The following SLC35B3 variants were observed in gnomAD, a reference collection of about 807,000 sequenced individuals.
The protein encoded by SLC35B3 is adenosine 3'-phospho 5'-phosphosulfate transporter 2.
Under a neutral mutation model 44.1 loss-of-function variants are expected in SLC35B3, and 35 were observed. The observed-to-expected ratio is 0.79, with a 90% CI of 0.61 to 1.05. The LOEUF is 1.05. Ranked by LOEUF, SLC35B3 falls within the 50% of genes least tolerant of loss-of-function variation. SLC35B3 has a pLI of 0.00. For synonymous variants in SLC35B3, 146 were observed against 167.3 expected (o/e 0.87, Z 0.98); for missense variants, 414 against 476.4 (o/e 0.87, Z 1.22).
At chr6:8,415,173 T>C (rs1581226607) in intron 9 of SLC35B3, among the ~76,000 whole-genome samples, 196 bp from the exon 9 acceptor site, 2 of 152,272 alleles carry the variant, frequency 1.3e-5, no homozygotes, top group Admixed American at 1.3e-4. Context: ...GAGTTTAGTC[T>C]TGTAGGGAAA....
intron 7 of SLC35B3, 54 bp from the exon 7 acceptor site, chr6:8,417,548 G>C: frequency 3.1e-5 from 32 of 1,036,110 alleles, no homozygotes; most frequent in South Asian, 6.1e-5. Context: ...GAAAATGGAA[G>C]ATTAAGGGTT....
intron 4 of SLC35B3, among the ~76,000 whole-genome samples, chr6:8,424,584 A>G (rs1379391196): frequency 6.6e-6 from 1 of 152,078 alleles, no homozygotes; most frequent in Non-Finnish European, 1.5e-5. Context: ...AACTTTAAAA[A>G]CCTCTTCAAG....
chr6:8,427,839 A>C (rs201112249), intron 4 of SLC35B3, 98 bp downstream of exon 3: 9 of 685,522 alleles, frequency 1.3e-5, no homozygotes, highest in Non-Finnish European at 1.6e-5. Context: ...TGCCTATCAC[A>C]TGTTTTGTTA....
rs144288245 is a variant in SLC35B3 at position 8,423,080 on chromosome 6, C to T, written c.420-456G>A. ...TCAGCTAAGTGCAACCTCTGCCTCA[C>T]GGGTTCAAGAAATTCTTTTGCCTCA... is the stretch of plus-strand genomic sequence containing the variant. On this transcript the variant is annotated intron_variant, in intron 4 of 10. Coordinates refer to ENST00000644923, the MANE Select transcript of SLC35B3 (RefSeq NM_001370476.2). Among the ~76,000 whole-genome samples, 1,432 of 152,202 alleles carry T rather than the reference C, an allele frequency of 9.4e-3. 24 individuals carry two copies. The highest frequency in any genetic ancestry group is 0.032 in the African/African-American group (1,329 of 41,546).
chr6:8,414,800 A>G (rs113121615), intron 10 of SLC35B3, 108 bp downstream of exon 9: 5,529 of 532,620 alleles, frequency 0.01, 111 homozygotes, highest in African/African-American at 0.044. Context: ...AAATAAATAC[A>G]CTTACTACAA....
rs150037099 is a variant in SLC35B3, at chr6:8,414,948, C to T, written c.1015G>A (p.Val339Ile). Residue 339 changes from valine to isoleucine, a missense_variant, in exon 10 of 11, where the codon GTA (valine) becomes ATA (isoleucine). By Grantham distance (29) the Val-to-Ile change is conservative. Coordinates refer to ENST00000644923, the MANE Select transcript of SLC35B3 (RefSeq NM_001370476.2). ...TTAGCAAAGAATATAAACGAAAGTA[C>T]AATGGTCATTGCTTTTCTTCCTGTT... 4.5e-5 allele frequency: 73 copies of T among 1,605,854 alleles called. No individual in the cohort carries two copies. The highest frequency in any genetic ancestry group is 6.0e-5 in the Non-Finnish European group (71 of 1,174,780).
intron 7 of SLC35B3, chr6:8,418,778 C>A: frequency 5.8e-6 from 1 of 171,258 alleles, no homozygotes; most frequent in Non-Finnish European, 1.3e-5. Flanking sequence ...AGATGCCATT[C>A]TCCCTAAATT....
In SLC35B3 at chr6:8,430,022, T is replaced by A. The variant is rs1191834197; in HGVS notation, c.139A>T (p.Thr47Ser). Residue 47 changes from threonine to serine, a missense_variant, in exon 3 of 11, where the codon ACT (threonine) becomes TCT (serine). By Grantham distance (58) the Thr-to-Ser change is moderately conservative. Coordinates refer to ENST00000644923, the MANE Select transcript of SLC35B3 (RefSeq NM_001370476.2). Reference sequence around the variant, plus strand: ...ATTGTTTGGGTTTTGGATGGCACAGTGATAGAAATATATTTCCTGGAATTG... The same window carrying A: ...ATTGTTTGGGTTTTGGATGGCACAGAGATAGAAATATATTTCCTGGAATTG... 4 of 1,614,030 alleles carry A rather than the reference T, an allele frequency of 2.5e-6. No individual in the cohort carries two copies.
At position 8,414,873 on chromosome 6, in the gene SLC35B3, A is replaced by G. The variant is rs1381556330; in HGVS notation, c.1055+35T>C. 6 of 1,315,280 alleles carry G rather than the reference A, an allele frequency of 4.6e-6. No individual in the cohort carries two copies. The African/African-American group carries it at 7.2e-5, about 16-fold the overall frequency. 81.5% of individuals were successfully genotyped at this position (1,315,280 alleles called of 1,614,324 possible). On this transcript the variant is annotated intron_variant, in intron 10 of 10. Coordinates refer to ENST00000644923, the MANE Select transcript of SLC35B3 (RefSeq NM_001370476.2). ...GGAAATGTGAAACACAGTATCTAAA[A>G]ACTGAGAAAAATTGTTTAATTAAGA...
At chr6:8,418,454 T>C (rs534921527) in intron 7 of SLC35B3, among the ~76,000 whole-genome samples, 44 of 144,950 alleles carry the variant, frequency 3.0e-4, no homozygotes, top group Admixed American at 8.3e-4. Context: ...AGGTGGTTGG[T>C]TATAAAATTA....
chr6:8,427,437 A>G (rs1045729930), intron 4 of SLC35B3, among the ~76,000 whole-genome samples: 2 of 152,202 alleles, frequency 1.3e-5, no homozygotes, highest in Non-Finnish European at 2.9e-5. Context: ...TGCACATTTT[A>G]TATCATTTTG....
At position 8,427,925 on chromosome 6, in the gene SLC35B3, C is replaced by T; in HGVS notation, c.419+12G>A. 1 of 1,592,846 alleles carries T rather than the reference C, an allele frequency of 6.3e-7. No individual in the cohort carries two copies. Among genetic ancestry groups the T allele is most frequent in the South Asian group, 1.1e-5 (1 of 87,078 alleles). ...ATATAGAAATATCAAAAAATAAAAA[C>T]AAACCACATACCTCCTCCTTTTGTC... On this transcript the variant is annotated intron_variant, in intron 4 of 10. Coordinates refer to ENST00000644923, the MANE Select transcript of SLC35B3 (RefSeq NM_001370476.2).
rs1391656611 is a variant in SLC35B3, at chr6:8,432,901, T to G, written c.3+1484A>C. ...AGAGCTCTACGTCTAAATGCTTCTTTGATACCTCTACTCATAAGCTCTGCT... is the reference window on the plus strand; with the variant it reads ...AGAGCTCTACGTCTAAATGCTTCTTGGATACCTCTACTCATAAGCTCTGCT... On this transcript the variant is annotated intron_variant, in intron 2 of 10. Coordinates refer to ENST00000644923, the MANE Select transcript of SLC35B3 (RefSeq NM_001370476.2). The surrounding 1 kb of genome is among the most constrained non-coding windows in gnomAD (Gnocchi z 4.8). 6.6e-6 allele frequency among the ~76,000 whole-genome samples: 1 copy of G among 152,196 alleles called. No homozygotes were observed. The highest frequency in any genetic ancestry group is 1.5e-5 in the Non-Finnish European group (1 of 68,028).
chr6:8,435,306 G>A lies in SLC35B3; in HGVS notation c.-44+37C>T. The A allele has an allele frequency of 5.4e-6, 7 of 1,289,342 alleles. No homozygotes were observed. Among genetic ancestry groups the A allele is most frequent in the East Asian group, 5.6e-5 (1 of 18,004 alleles). The allele number at this position is 1,289,342 out of a possible 1,614,324, so 79.9% of individuals were successfully genotyped here. ...GTTTTCTGGAGGAGAGGAGATCTGG[G>A]TCCCAAACACAGGAAAGGCCCCGAA... is the stretch of plus-strand genomic sequence containing the variant. On this transcript the variant is annotated intron_variant, in intron 1 of 10. Transcript: ENST00000644923. The surrounding 1 kb of genome is among the most constrained non-coding windows in gnomAD (Gnocchi z 5.5).
At chr6:8,427,730 A>AT (rs1186572543) in intron 4 of SLC35B3, among the ~76,000 whole-genome samples, 1 of 152,126 alleles carries the variant, frequency 6.6e-6, no homozygotes, top group African/African-American at 2.4e-5. Flanking sequence ...TAAAGCTAAT[A>AT]TTTTTTTATT....
Position 8,419,183 on chromosome 6 carries a change from G to A in SLC35B3, c.780+397C>T, listed in dbSNP as rs770470471. Among the ~76,000 whole-genome samples, 3 of 152,032 alleles carry A rather than the reference G, an allele frequency of 2.0e-5. No homozygotes were observed. The highest frequency in any genetic ancestry group is 4.4e-5 in the Non-Finnish European group (3 of 67,930). On this transcript the variant is annotated intron_variant, in intron 7 of 10. Coordinates refer to ENST00000644923, the MANE Select transcript of SLC35B3 (RefSeq NM_001370476.2). The surrounding 1 kb of genome is among the most constrained non-coding windows in gnomAD (Gnocchi z 4.3). ...AACTAGTAGGCAACAGGGATGAAATGTTCTAAATCTCAGGGTTAGGAAAGC... is the reference window on the plus strand; with the variant it reads ...AACTAGTAGGCAACAGGGATGAAATATTCTAAATCTCAGGGTTAGGAAAGC...
chr6:8,417,800 A>ACT (rs1554117524), intron 7 of SLC35B3, among the ~76,000 whole-genome samples: 1 of 151,562 alleles, frequency 6.6e-6, no homozygotes, highest in Non-Finnish European at 1.5e-5. Context: ...TCTAAAAAAA[A>ACT]TAAATGAAAC....
chr6:8,417,527 A>G, intron 7 of SLC35B3, 33 bp from the exon 7 acceptor site: 3 of 1,305,820 alleles, frequency 2.3e-6, no homozygotes, highest in Non-Finnish European at 3.2e-6. Flanking sequence ...AGAAAAAAGT[A>G]CTATGAAACT....
chr6:8,427,835 T>G, intron 4 of SLC35B3, 102 bp downstream of exon 3: 2 of 967,644 alleles, frequency 2.1e-6, no homozygotes, highest in Non-Finnish European at 1.5e-6. Flanking sequence ...TTCGTGCCTA[T>G]CACATGTTTT....
Sources: gnomAD v4.1 joint callset for allele counts (sites outside exome capture counted in the v4.1 genomes callset) on GRCh38, gnomAD v4.1.1 for gene constraint, Gnocchi (gnomAD v3.1) non-coding constraint, MANE v1.5 for transcripts, NCBI Gene and HGNC (gene_info 2026-07-23, HGNC 2026-07-21) for gene names.